The following SNRNP200 variants were observed in gnomAD, a reference collection of about 807,000 sequenced individuals.
SNRNP200 encodes U5 small nuclear ribonucleoprotein 200 kDa helicase.
Under a neutral mutation model 255.2 loss-of-function variants are expected in SNRNP200, and 66 were observed. That is an observed-to-expected ratio of 0.26 (90% CI 0.21 to 0.32). The LOEUF (loss-of-function observed/expected upper bound fraction) is 0.32. Among genes scored for constraint, SNRNP200 ranks in the 10% least tolerant of loss-of-function variants. SNRNP200 has a pLI of 1.00. For missense variants in SNRNP200, 1,585 were observed against 2,749.8 expected (o/e 0.58, Z 9.47); for synonymous variants, 939 against 1,027.8 (o/e 0.91, Z 1.65).
chr2:96,285,435 G>T, intron 29 of SNRNP200, 95 bp from the exon 30 acceptor site: 1 of 1,424,562 alleles, frequency 7.0e-7, no homozygotes, highest in Non-Finnish European at 9.8e-7. Context: ...GACAACATAC[G>T]AAATGAAGTC....
In SNRNP200 at chr2:96,296,542, A is replaced by C; in HGVS notation, c.1665T>G (p.Phe555Leu). 6.2e-7 allele frequency: 1 copy of C among 1,614,128 alleles called. No homozygotes were observed. Among genetic ancestry groups the C allele is most frequent in the Non-Finnish European group, 8.5e-7 (1 of 1,180,010 alleles). The change falls in exon 13 of 45, where the codon TTT (phenylalanine) becomes TTG (leucine). Residue 555 changes from phenylalanine (F) to leucine (L), a missense_variant. By Grantham distance (22) the Phe-to-Leu change is conservative (BLOSUM62 0). This residue lies in a region of SNRNP200 where 56 missense variants were observed against 77.4 expected (regional missense o/e 0.72). Coordinates refer to ENST00000323853, the MANE Select transcript of SNRNP200 (RefSeq NM_014014.5). Reference protein sequence around the residue: ...RSLVQEMVGSFGKRLATYGIT... With the variant: ...RSLVQEMVGSLGKRLATYGIT... ...GAAAGTTCTACTCCCTCACCTTTCC[A>C]AAGCTGCCCACCATCTCCTGCACCA...
chr2:96,296,496 T>G, intron 13 of SNRNP200, 40 bp downstream of exon 13: 1 of 1,608,904 alleles, frequency 6.2e-7, no homozygotes, highest in South Asian at 1.1e-5. Flanking sequence ...CTTTCATAGG[T>G]GCACCCAGTA....
At chr2:96,299,085 T>C (rs1482634958) in intron 6 of SNRNP200, 118 bp from the exon 7 acceptor site, 3 of 1,355,662 alleles carry the variant, frequency 2.2e-6, no homozygotes, top group Non-Finnish European at 1.0e-6. Context: ...GTGAGGACTT[T>C]CCAGAGGAAA....
At position 96,305,494 on chromosome 2, in the gene SNRNP200, C is replaced by T. The variant is rs936545153; in HGVS notation, c.-57G>A. The T allele has an allele frequency of 6.2e-7, 1 of 1,610,244 alleles. No individual in the cohort carries two copies. The highest frequency in any genetic ancestry group is 1.3e-5 in the African/African-American group (1 of 74,876). On this transcript the variant is annotated 5_prime_UTR_variant, in exon 1 of 45. Coordinates refer to ENST00000323853, the MANE Select transcript of SNRNP200 (RefSeq NM_014014.5). Reference sequence around the variant, plus strand: ...ACGCCTCCCTACCGCAAGCTGCAAACGGCCGCAGATCTCTGCTCCCGCCGC... The same window carrying T: ...ACGCCTCCCTACCGCAAGCTGCAAATGGCCGCAGATCTCTGCTCCCGCCGC...
At chr2:96,276,690 G>A (rs1177121857) in intron 43 of SNRNP200, 4 of 645,328 alleles carry the variant, frequency 6.2e-6, no homozygotes, top group Non-Finnish European at 1.1e-5. Context: ...AAAGTGCTGG[G>A]ATTACAGGCG....
chr2:96,285,366 G>GTT, intron 29 of SNRNP200, 26 bp from the exon 30 acceptor site: 2 of 1,612,836 alleles, frequency 1.2e-6, no homozygotes, highest in Non-Finnish European at 1.7e-6. Flanking sequence ...AAGAAGCAGT[G>GTT]TAAGTATCAA....
At chr2:96,299,051 T>C (rs1239995532) in intron 6 of SNRNP200, 84 bp from the exon 7 acceptor site, 1 of 1,560,128 alleles carries the variant, frequency 6.4e-7, no homozygotes, top group Non-Finnish European at 8.8e-7. Context: ...AAGTTCTACT[T>C]GACAATCCAT....
At chr2:96,301,743 A>G (rs762662502) in intron 3 of SNRNP200, 27 bp from the exon 4 acceptor site, 1 of 1,613,488 alleles carries the variant, frequency 6.2e-7, no homozygotes, top group South Asian at 1.1e-5. Context: ...ACCAACCAAT[A>G]TTGAGAACGA....
chr2:96,289,463 G>C, intron 21 of SNRNP200, 84 bp from the exon 22 acceptor site: 2 of 1,488,098 alleles, frequency 1.3e-6, no homozygotes, highest in Non-Finnish European at 1.9e-6. Flanking sequence ...CTGTCCTATA[G>C]GTTTTTTGTA....
chr2:96,298,758 G>A (rs1039507552), intron 7 of SNRNP200, 56 bp from the exon 8 acceptor site: 8 of 1,613,296 alleles, frequency 5.0e-6, no homozygotes, highest in East Asian at 4.5e-5. Context: ...CACTTCATAC[G>A]CTGTCCCCAT....
Position 96,286,562 on chromosome 2 carries a change from T to C in SNRNP200, c.3830-78A>G. 6.3e-7 allele frequency: 1 copy of C among 1,596,184 alleles called. No homozygotes were observed. Among genetic ancestry groups the C allele is most frequent in the African/African-American group, 1.3e-5 (1 of 74,624 alleles). ...GCCTCTAGATCCCCTCCATGAACAC[T>C]GGAAACCTAGGCAGCATATGTATCA... On this transcript the variant is annotated intron_variant, in intron 28 of 44. Transcript: ENST00000323853. This position sits in a 1 kb window ranked among gnomAD's most constrained non-coding sequence, Gnocchi z 4.8.
chr2:96,305,455 G>A lies in SNRNP200; in HGVS notation c.-18C>T. 6.2e-7 allele frequency: 1 copy of A among 1,613,922 alleles called. No homozygotes were observed. On this transcript the variant is annotated 5_prime_UTR_variant, in exon 1 of 45. Transcript: ENST00000323853. ...TCCGCCATGGCCGCGGCTGCTCGGA[G>A]GCTTCAGACCACCACGCCTCCCTAC...
In SNRNP200 at chr2:96,289,823, G is replaced by A. The variant is rs769120346; in HGVS notation, c.2916C>T (p.Tyr972=). 14 of 1,614,124 alleles carry A rather than the reference G, an allele frequency of 8.7e-6. No individual in the cohort carries two copies. Among genetic ancestry groups the A allele is most frequent in the South Asian group, 2.2e-5 (2 of 91,084 alleles). The change falls in exon 21 of 45, where the codon TAC becomes TAT. Residue 972 remains tyrosine, a synonymous_variant. Coordinates refer to ENST00000323853, the MANE Select transcript of SNRNP200 (RefSeq NM_014014.5). ...CCTGGAAGTTGCCCGTCTTCTTGTC[G>A]TACTTGACCAGATTGTTCTTGTCCA... ...LMLDKNNLVK[Y]DKKTGNFQVT... is the part of the protein sequence containing the mutation.
chr2:96,305,139 T>C (rs1306783762), intron 1 of SNRNP200, among the ~76,000 whole-genome samples: 1 of 152,062 alleles, frequency 6.6e-6, no homozygotes, highest in East Asian at 1.9e-4. Context: ...AGTGAGTGGG[T>C]TGGGAGTGAC....
chr2:96,288,365 G>A (rs2063856733), intron 24 of SNRNP200, among the ~76,000 whole-genome samples: 1 of 152,212 alleles, frequency 6.6e-6, no homozygotes, highest in Non-Finnish European at 1.5e-5. Flanking sequence ...AGCAACAGTG[G>A]GAAATCACTT....
chr2:96,293,287 G>T, intron 15 of SNRNP200, 29 bp downstream of exon 15: 1 of 1,607,264 alleles, frequency 6.2e-7, no homozygotes, highest in Non-Finnish European at 8.5e-7. Context: ...GGTCACCTTG[G>T]CAGAACTTTG....
intron 30 of SNRNP200, 158 bp downstream of exon 30, chr2:96,285,022 T>C: frequency 1.2e-6 from 1 of 853,240 alleles, no homozygotes; most frequent in Non-Finnish European, 1.9e-6. Context: ...AGTGCTGGGA[T>C]TACAGGCGTG....
Position 96,291,746 on chromosome 2 carries a change from C to G in SNRNP200, c.2310+5G>C, listed in dbSNP as rs2063885552. ...AATGAGAGAACCCAGCTGGCCCCTC[C>G]TCACCTTGCACTGCTCAGCTTCTGT... On this transcript the variant is annotated splice_donor_5th_base_variant and intron_variant, in intron 17 of 44. Coordinates refer to ENST00000323853, the MANE Select transcript of SNRNP200 (RefSeq NM_014014.5). This position sits in a 1 kb window ranked among gnomAD's most constrained non-coding sequence, Gnocchi z 4.2. 6 of 1,614,060 alleles carry G rather than the reference C, an allele frequency of 3.7e-6. No homozygotes were observed. In the African/African-American group the frequency reaches 6.7e-5, roughly 18 times the overall value.
At chr2:96,295,343 G>C in intron 14 of SNRNP200, 145 bp downstream of exon 14, 1 of 1,450,092 alleles carries the variant, frequency 6.9e-7, no homozygotes, top group Non-Finnish European at 9.6e-7. Context: ...GGAGAAGATG[G>C]ATCTCATCCT....
Sources: gnomAD v4.1 joint callset for allele counts (sites outside exome capture counted in the v4.1 genomes callset) on GRCh38, gnomAD v4.1.1 for gene constraint, gnomAD v4.1.1 regional missense constraint, Gnocchi (gnomAD v3.1) non-coding constraint, MANE v1.5 for transcripts, NCBI Gene and HGNC (gene_info 2026-07-23, HGNC 2026-07-21) for gene names.